Variants in SGK1 observed in about 807,000 individuals in gnomAD.
SGK1 encodes serine/threonine-protein kinase Sgk1.
Under a neutral mutation model 64.2 loss-of-function variants are expected in SGK1, and 26 were observed. The ratio of observed to expected loss-of-function variants is 0.40; its 90% confidence interval spans 0.30 to 0.56. The LOEUF (loss-of-function observed/expected upper bound fraction) is 0.56, where lower values mean the gene tolerates loss of function less well. SGK1 is among the 20% of genes least tolerant of loss of function. SGK1 has a pLI of 0.38. For missense variants in SGK1, 519 were observed against 645.6 expected (o/e 0.80, Z 2.12); for synonymous variants, 265 against 239.7 (o/e 1.11, Z -0.98).
chr6:134,273,622 A>AT (rs1776975940), intron 1 of SGK1, among the ~76,000 whole-genome samples: 1 of 145,030 alleles, frequency 6.9e-6, no homozygotes, highest in Non-Finnish European at 1.5e-5. Context: ...AAAAAAAAAA[A>AT]GCTGAGTTAA....
At chr6:134,170,766 C>T (rs1213620485) in intron 13 of SGK1, 60 bp downstream of exon 13, 2 of 1,118,542 alleles carry the variant, frequency 1.8e-6, no homozygotes, top group African/African-American at 3.1e-5. Context: ...CCAGACAATT[C>T]TGAATTAAAA....
chr6:134,259,267 G>A (rs1343598833), intron 2 of SGK1, among the ~76,000 whole-genome samples: 1 of 152,114 alleles, frequency 6.6e-6, no homozygotes. Context: ...TTTAGCACTA[G>A]GCATGTGTGC....
intron 2 of SGK1, among the ~76,000 whole-genome samples, chr6:134,224,691 G>A (rs1776140995): frequency 6.6e-6 from 1 of 152,086 alleles, no homozygotes; most frequent in African/African-American, 2.4e-5. Flanking sequence ...AATTGAATTT[G>A]TATTTTATTG....
Position 134,173,098 on chromosome 6 carries a change from G to T in SGK1, c.759C>A (p.Phe253Leu), listed in dbSNP as rs751493243. Residue 253 changes from phenylalanine (F) to leucine (L), a missense_variant, in exon 8 of 14, where the codon TTC (phenylalanine) becomes TTA (leucine). Physicochemically the swap from Phe to Leu is conservative, Grantham distance 22 (BLOSUM62 0). Coordinates refer to ENST00000367858, the MANE Select transcript of SGK1 (RefSeq NM_001143676.3). Reference sequence around the variant, plus strand: ...GGAAAGAGAAGTGAAGGCCCACCAGGAAAGGGTGCTTCACATTCTTCAACA... The same window carrying T: ...GGAAAGAGAAGTGAAGGCCCACCAGTAAAGGGTGCTTCACATTCTTCAACA... Reference protein sequence around the residue: ...NVLLKNVKHPFLVGLHFSFQT... With the variant: ...NVLLKNVKHPLLVGLHFSFQT... 7 of 1,613,932 alleles carry T rather than the reference G, an allele frequency of 4.3e-6. No individual in the cohort carries two copies. The highest frequency in any genetic ancestry group is 8.5e-7 in the Non-Finnish European group (1 of 1,179,798).
chr6:134,174,696 C>T, intron 3 of SGK1, 110 bp from the exon 4 acceptor site: 2 of 1,613,920 alleles, frequency 1.2e-6, no homozygotes, highest in Non-Finnish European at 1.7e-6. Flanking sequence ...CTTTGCGTCT[C>T]CTGGAGCAGA....
intron 1 of SGK1, among the ~76,000 whole-genome samples, chr6:134,308,952 A>C (rs1194393798): frequency 6.6e-6 from 1 of 152,178 alleles, no homozygotes; most frequent in Non-Finnish European, 1.5e-5. Context: ...GAGAGACAGG[A>C]GAGAGAAAGT....
chr6:134,241,781 C>T (rs1400433684), intron 2 of SGK1, among the ~76,000 whole-genome samples: 6 of 152,136 alleles, frequency 3.9e-5, no homozygotes, highest in South Asian at 2.1e-4. Flanking sequence ...CCACCACACC[C>T]GGCTAATTTT....
At chr6:134,254,832 A>C (rs1207900892) in intron 2 of SGK1, among the ~76,000 whole-genome samples, 1 of 152,212 alleles carries the variant, frequency 6.6e-6, no homozygotes, top group Admixed American at 6.5e-5. Flanking sequence ...TTTCTAGCAT[A>C]ATATACCATG....
At chr6:134,225,351 GGAAAAAAAAAA>G (rs1166200153) in intron 2 of SGK1, among the ~76,000 whole-genome samples, 2 of 97,870 alleles carry the variant, frequency 2.0e-5, no homozygotes, top group Non-Finnish European at 4.2e-5. Context: ...ACTCCATCTC[GGAAAAAAAAAA>G]AAAAAAGAAA....
chr6:134,228,533 C>T (rs1194273573), intron 2 of SGK1, among the ~76,000 whole-genome samples: 2 of 152,266 alleles, frequency 1.3e-5, no homozygotes, highest in African/African-American at 2.4e-5. Flanking sequence ...AGACTGTAAA[C>T]TGTAGAAGAA....
rs372763978 is a variant in SGK1, at chr6:134,174,692, G to A, written c.362-106C>T. 16 of 1,613,240 alleles carry A rather than the reference G, an allele frequency of 9.9e-6. No homozygotes were observed. The African/African-American group carries it at 2.1e-4, about 22-fold the overall frequency. Reference sequence around the variant, plus strand: ...GACTTTCAAAAAATTTCCACTTTGCGTCTCCTGGAGCAGAAGTCCCGCAAG... The same window carrying A: ...GACTTTCAAAAAATTTCCACTTTGCATCTCCTGGAGCAGAAGTCCCGCAAG... On this transcript the variant is annotated intron_variant, in intron 3 of 13. Transcript: ENST00000367858.
intron 1 of SGK1, among the ~76,000 whole-genome samples, chr6:134,273,542 G>A (rs1375675169): frequency 8.1e-6 from 1 of 123,824 alleles, no homozygotes; most frequent in African/African-American, 3.1e-5. Flanking sequence ...GCAGTGAGCC[G>A]AGATCCCGCC....
chr6:134,211,289 T>C (rs1237897197), intron 2 of SGK1, among the ~76,000 whole-genome samples: 1 of 151,686 alleles, frequency 6.6e-6, no homozygotes, highest in African/African-American at 2.4e-5. Flanking sequence ...ATAAGTGGAA[T>C]TTTTTTTTGT....
At chr6:134,172,032 T>A in intron 10 of SGK1, 161 bp downstream of exon 10, 1 of 860,640 alleles carries the variant, frequency 1.2e-6, no homozygotes, top group South Asian at 1.7e-5. Flanking sequence ...GACTTGGGAT[T>A]TCTCATGCTA....
At position 134,174,078 on chromosome 6, in the gene SGK1, G is replaced by T; in HGVS notation, c.440C>A (p.Pro147His). ...IANNSYACKHPEVQSILKISQ... is the reference protein window; with the variant it reads ...IANNSYACKHHEVQSILKISQ... ...GATCTTCAAGATGGACTGAACTTCA[G>T]GGCTGCAGGGAATAAAGGGCACGAT... Residue 147 changes from proline (P) to histidine (H), a missense_variant and splice_region_variant, in exon 5 of 14, where the codon CCT (proline) becomes CAT (histidine). Physicochemically the swap from Pro to His is moderately conservative, Grantham distance 77. Coordinates refer to ENST00000367858, the MANE Select transcript of SGK1 (RefSeq NM_001143676.3). 1 of 1,612,532 alleles carries T rather than the reference G, an allele frequency of 6.2e-7. No individual in the cohort carries two copies. Among genetic ancestry groups the T allele is most frequent in the Non-Finnish European group, 8.5e-7 (1 of 1,179,366 alleles).
intron 1 of SGK1, among the ~76,000 whole-genome samples, chr6:134,314,614 C>G (rs1777651110): frequency 6.6e-6 from 1 of 152,032 alleles, no homozygotes; most frequent in Non-Finnish European, 1.5e-5. Context: ...GCATTCCTAC[C>G]CAGAACATAG....
At chr6:134,170,531 T>C (rs752107951) in intron 13 of SGK1, 96 bp from the exon 14 acceptor site, 5 of 1,164,742 alleles carry the variant, frequency 4.3e-6, no homozygotes, top group Non-Finnish European at 6.1e-6. Flanking sequence ...GTTTAAGTCT[T>C]ATATCAACTT....
intron 1 of SGK1, among the ~76,000 whole-genome samples, chr6:134,295,721 C>G (rs1777338317): frequency 1.4e-5 from 2 of 145,268 alleles, no homozygotes; most frequent in South Asian, 4.2e-4. Context: ...AAAAAAAAAG[C>G]CCTATAGATG....
intron 2 of SGK1, among the ~76,000 whole-genome samples, chr6:134,212,123 G>T (rs1743951): frequency 5.3e-5 from 8 of 151,070 alleles, no homozygotes; most frequent in Admixed American, 2.0e-4. Flanking sequence ...GTGCGATCTC[G>T]GCTCACTGCG....
Sources: gnomAD v4.1 joint callset for allele counts (sites outside exome capture counted in the v4.1 genomes callset) on GRCh38, gnomAD v4.1.1 for gene constraint, MANE v1.5 for transcripts, NCBI Gene and HGNC (gene_info 2026-07-23, HGNC 2026-07-21) for gene names.